MAP4: variants seen among roughly 807,000 people sequenced by gnomAD.
The protein encoded by MAP4 is microtubule-associated protein 4.
A neutral mutation model predicts 170.2 loss-of-function variants in MAP4; 76 were observed. That is an observed-to-expected ratio of 0.45 (90% confidence interval 0.37 to 0.54). The LOEUF is 0.54. Among genes scored for constraint, MAP4 ranks in the 20% least tolerant of loss-of-function variants. The pLI is 0.00. For missense variants in MAP4, 2,506 were observed against 2,748.0 expected (o/e 0.91, Z 1.97); for synonymous variants, 909 against 994.5 (o/e 0.91, Z 1.62).
At chr3:48,080,898 G>A (rs1216780858) in intron 1 of MAP4, among the ~76,000 whole-genome samples, 3 of 152,210 alleles carry the variant, frequency 2.0e-5, no homozygotes, top group Admixed American at 2.0e-4. Flanking sequence ...GCCAAGGTGG[G>A]CAGATCACGA....
intron 1 of MAP4, among the ~76,000 whole-genome samples, chr3:48,067,900 A>G (rs1254363572): frequency 1.4e-4 from 22 of 152,126 alleles, no homozygotes; most frequent in Admixed American, 1.4e-3. Flanking sequence ...TTGGCCTCCC[A>G]AAGTGCTGGG....
intron 1 of MAP4, among the ~76,000 whole-genome samples, chr3:48,041,813 T>C (rs1021989708): frequency 6.6e-6 from 1 of 152,136 alleles, no homozygotes; most frequent in African/African-American, 2.4e-5. Context: ...AAAACAACCC[T>C]GAAATAAAAA....
chr3:47,909,088 G>A lies in MAP4; in HGVS notation c.5333C>T (p.Pro1778Leu). The A allele has an allele frequency of 6.2e-7, 1 of 1,613,932 alleles. No individual in the cohort carries two copies. Among genetic ancestry groups the A allele is most frequent in the Non-Finnish European group, 8.5e-7 (1 of 1,179,872 alleles). Residue 1778 changes from proline to leucine, a missense_variant, in exon 9 of 21, where the codon CCA becomes CTA. By Grantham distance (98) the Pro-to-Leu change is moderately conservative. Coordinates refer to ENST00000683076, the MANE Select transcript of MAP4 (RefSeq NM_001385682.1). ...TKSRGLTPLL[P>L]KSTIQEQERH... Reference sequence around the variant, plus strand: ...CTCTTGTTCCTGGATTGTAGACTTTGGCAAAAGTGGAGTAAGTCCTCGGGA... The same window carrying A: ...CTCTTGTTCCTGGATTGTAGACTTTAGCAAAAGTGGAGTAAGTCCTCGGGA...
chr3:47,891,967 A>G lies in MAP4; in HGVS notation c.5434+10983T>C, dbSNP rs759506346. On this transcript the variant is annotated intron_variant, in intron 10 of 20. Coordinates refer to ENST00000683076, the MANE Select transcript of MAP4 (RefSeq NM_001385682.1). Reference sequence around the variant, plus strand: ...AAACACTGGTTTCCTGCTCCTTAACATATCTGGTAGGGATGTCAGCAGCCC... The same window carrying G: ...AAACACTGGTTTCCTGCTCCTTAACGTATCTGGTAGGGATGTCAGCAGCCC... The G allele has an allele frequency of 6.5e-6, 10 of 1,536,024 alleles. No individual in the cohort carries two copies. In the South Asian group the frequency reaches 1.2e-4, roughly 18 times the overall value.
intron 1 of MAP4, among the ~76,000 whole-genome samples, chr3:48,070,923 G>A (rs574205578): frequency 6.6e-6 from 1 of 151,970 alleles, no homozygotes; most frequent in South Asian, 2.1e-4. Flanking sequence ...AACTTGGTAG[G>A]CTAAGGCAGG....
chr3:47,897,080 C>A (rs141166837), intron 10 of MAP4, among the ~76,000 whole-genome samples: 2 of 152,310 alleles, frequency 1.3e-5, no homozygotes, highest in Non-Finnish European at 2.9e-5. Flanking sequence ...TCTTCCCAAA[C>A]CGCTGAGCAA....
chr3:48,008,908 G>A (rs2100103818), intron 1 of MAP4, among the ~76,000 whole-genome samples: 1 of 152,160 alleles, frequency 6.6e-6, no homozygotes, highest in Admixed American at 6.5e-5. Context: ...CCCTCAGTAT[G>A]TCACCATTCC....
At chr3:48,047,282 T>A (rs1012182143) in intron 1 of MAP4, among the ~76,000 whole-genome samples, 6 of 152,030 alleles carry the variant, frequency 3.9e-5, no homozygotes, top group African/African-American at 4.8e-5. Context: ...TTCAAACCCC[T>A]CACCTAGATT....
intron 1 of MAP4, among the ~76,000 whole-genome samples, chr3:48,084,775 A>G (rs2154572096): frequency 6.7e-6 from 1 of 149,564 alleles, no homozygotes; most frequent in African/African-American, 2.5e-5. Context: ...GTTTTGCTGT[A>G]CACTAAAATT....
chr3:47,952,903 G>A (rs1258037774), intron 3 of MAP4, among the ~76,000 whole-genome samples: 2 of 151,734 alleles, frequency 1.3e-5, no homozygotes, highest in Non-Finnish European at 2.9e-5. Flanking sequence ...TAGCCTGAGT[G>A]ACAGAGCAAG....
chr3:47,939,363 G>A (rs1217432248), intron 3 of MAP4, among the ~76,000 whole-genome samples: 1 of 152,072 alleles, frequency 6.6e-6, no homozygotes, highest in African/African-American at 2.4e-5. Context: ...ACTCATTAAT[G>A]TTTAAAAAGA....
upstream of MAP4, among the ~76,000 whole-genome samples, chr3:48,018,571 T>G (rs1354350262): frequency 6.6e-6 from 1 of 152,018 alleles, no homozygotes; most frequent in Non-Finnish European, 1.5e-5. Context: ...TTTGGGAGGC[T>G]GAGGTGGGTG....
intron 3 of MAP4, among the ~76,000 whole-genome samples, chr3:47,948,144 C>G (rs2100061325): frequency 6.6e-6 from 1 of 151,598 alleles, no homozygotes; most frequent in African/African-American, 2.4e-5. Flanking sequence ...ACTACAGGTG[C>G]CCGCCACCAC....
chr3:47,969,269 A>G (rs909366780), intron 3 of MAP4, among the ~76,000 whole-genome samples: 1 of 152,060 alleles, frequency 6.6e-6, no homozygotes, highest in African/African-American at 2.4e-5. Context: ...TTAGCCAGAC[A>G]TGGTGGTGGG....
At chr3:47,968,449 G>A (rs754701771) in intron 3 of MAP4, among the ~76,000 whole-genome samples, 1 of 152,146 alleles carries the variant, frequency 6.6e-6, no homozygotes, top group Non-Finnish European at 1.5e-5. Flanking sequence ...GAAGATTGGG[G>A]AATGCACAAA....
At position 47,912,196 on chromosome 3, in the gene MAP4, C is replaced by A; in HGVS notation, c.2225G>T (p.Ser742Ile). 6.5e-7 allele frequency: 1 copy of A among 1,536,146 alleles called. No homozygotes were observed. Among genetic ancestry groups the A allele is most frequent in the African/African-American group, 1.4e-5 (1 of 73,182 alleles). ...SCGGPGNQRK[S>I]IHVDSLEPQR... ...GGGTTCAAGTGAGTCAACATGAATA[C>A]TTTTTCTTTGGTTCCCAGGCCCACC... Residue 742 changes from serine to isoleucine, a missense_variant, in exon 9 of 21, where the codon AGT becomes ATT. Around this residue, in one of 3 missense-constraint regions of MAP4, gnomAD observed 2,008 missense variants for 2,206.0 expected, o/e 0.91. Coordinates refer to ENST00000683076, the MANE Select transcript of MAP4 (RefSeq NM_001385682.1).
intron 10 of MAP4, among the ~76,000 whole-genome samples, chr3:47,879,318 T>C (rs79027056): frequency 2.2e-3 from 333 of 151,966 alleles, no homozygotes; most frequent in African/African-American, 7.8e-3. Flanking sequence ...ATATTGCAAA[T>C]ACACTTATAT....
intron 1 of MAP4, among the ~76,000 whole-genome samples, chr3:48,024,956 TTTC>T (rs2100112267): frequency 6.7e-6 from 1 of 150,104 alleles, no homozygotes; most frequent in Non-Finnish European, 1.5e-5. Context: ...ATCATTTCTT[TTTC>T]TTTTTTTTTT....
intron 3 of MAP4, among the ~76,000 whole-genome samples, chr3:47,953,787 G>T (rs2100066047): frequency 6.6e-6 from 1 of 152,178 alleles, no homozygotes; most frequent in Non-Finnish European, 1.5e-5. Context: ...GCCGAGCCAG[G>T]TGGATCACTT....
Sources: gnomAD v4.1 joint callset for allele counts (sites outside exome capture counted in the v4.1 genomes callset) on GRCh38, gnomAD v4.1.1 for gene constraint, gnomAD v4.1.1 regional missense constraint, MANE v1.5 for transcripts, NCBI Gene and HGNC (gene_info 2026-07-23, HGNC 2026-07-21) for gene names.